COL26A1: variants seen among roughly 807,000 people sequenced by gnomAD.
COL26A1 encodes the protein collagen alpha-1(XXVI) chain.
A neutral mutation model predicts 59.3 loss-of-function variants in COL26A1; 41 were observed. The ratio of observed to expected loss-of-function variants is 0.69; its 90% CI spans 0.54 to 0.90. The LOEUF (loss-of-function observed/expected upper bound fraction) is 0.90. Among genes scored for constraint, COL26A1 ranks in the 40% least tolerant of loss-of-function variants. The probability of loss-of-function intolerance (pLI) is 0.00; values close to 1 mark genes in which losing one functional copy is unlikely to be tolerated. For missense variants in COL26A1, 612 were observed against 602.3 expected, an observed-to-expected ratio of 1.02 and a Z score of -0.17; for synonymous variants, 266 against 256.0, an observed-to-expected ratio of 1.04 and a Z score of -0.37.
At chr7:101,412,327 C>A (rs549027907) in intron 1 of COL26A1, among the ~76,000 whole-genome samples, 1 of 152,228 alleles carries the variant, frequency 6.6e-6, no homozygotes, top group African/African-American at 2.4e-5. Context: ...GAAGTTTACG[C>A]ATAAACCACC....
At chr7:101,368,221 T>C (rs1041963173) in intron 1 of COL26A1, among the ~76,000 whole-genome samples, 3 of 152,234 alleles carry the variant, frequency 2.0e-5, no homozygotes, top group Non-Finnish European at 4.4e-5. Flanking sequence ...TGTTTTTCCA[T>C]TGGAAATCAC....
In COL26A1 at chr7:101,544,041, C is replaced by T. The variant is rs149289538; in HGVS notation, c.648C>T (p.Pro216=). The T allele has an allele frequency of 1.6e-5, 26 of 1,600,864 alleles. No homozygotes were observed. The highest frequency in any genetic ancestry group is 2.7e-5 in the African/African-American group (2 of 74,708). ...QTGPPGPAGP[P]GSKGDRGQTG... ...GACCACCAGGGCCTGCAGGCCCCCC[C>T]GGGTCTAAAGGTGACCGAGGCCAGA... is the stretch of plus-strand genomic sequence containing the variant. Residue 216 remains proline, a synonymous_variant, in exon 6 of 13, where the codon CCC becomes CCT. Transcript: ENST00000313669.
chr7:101,435,589 G>C (rs1344156679), intron 2 of COL26A1, among the ~76,000 whole-genome samples: 1 of 152,164 alleles, frequency 6.6e-6, no homozygotes, highest in Non-Finnish European at 1.5e-5. Flanking sequence ...ATTGCAGTGG[G>C]GACGTTGGGC....
chr7:101,378,336 C>T (rs913990945), intron 1 of COL26A1, among the ~76,000 whole-genome samples: 11 of 152,020 alleles, frequency 7.2e-5, no homozygotes, highest in Admixed American at 5.3e-4. Context: ...TTACTCAAAC[C>T]GCCCTCACAC....
intron 2 of COL26A1, among the ~76,000 whole-genome samples, chr7:101,429,588 A>ATTTTTT (rs1792729327): frequency 8.0e-5 from 4 of 49,878 alleles, no homozygotes; most frequent in African/African-American, 1.9e-4. Flanking sequence ...TTTCTTTTTT[A>ATTTTTT]CTTTTTTTTT....
intron 1 of COL26A1, among the ~76,000 whole-genome samples, chr7:101,413,552 A>G (rs13245644): frequency 2.7e-5 from 3 of 111,104 alleles, no homozygotes; most frequent in South Asian, 3.2e-4. Flanking sequence ...GAAAGGAAAG[A>G]AAAAGAAAAG....
intron 3 of COL26A1, among the ~76,000 whole-genome samples, chr7:101,487,756 C>T (rs1011843152): frequency 6.6e-6 from 1 of 152,144 alleles, no homozygotes; most frequent in Non-Finnish European, 1.5e-5. Flanking sequence ...AAGCCCACGC[C>T]CTGTCACTGG....
rs200117030 is a variant in COL26A1, at chr7:101,492,699, AAAATAAAT to A, written c.386-40340_386-40333del. On this transcript the variant is annotated intron_variant, in intron 3 of 12. Transcript: ENST00000313669. ...GCAACAGAGCAAGACTCTGTCTCAA[AAAATAAAT>A]AAATAAATAAATAAATAAATAAATA... 8.4e-3 allele frequency among the ~76,000 whole-genome samples: 1,182 copies of A among 141,224 alleles called. 8 individuals carry two copies. Among genetic ancestry groups the A allele is most frequent in the African/African-American group, 0.017 (664 of 38,488 alleles). The allele number at this position is 141,224 out of a possible 152,430, so 92.6% of individuals were successfully genotyped here.
intron 11 of COL26A1, among the ~76,000 whole-genome samples, chr7:101,553,843 G>A (rs1330546231): frequency 6.6e-6 from 1 of 152,084 alleles, no homozygotes; most frequent in Non-Finnish European, 1.5e-5. Context: ...AGAGGGACTT[G>A]CAAACTGGGA....
intron 3 of COL26A1, among the ~76,000 whole-genome samples, chr7:101,514,574 G>A (rs1794990064): frequency 6.6e-6 from 1 of 152,142 alleles, no homozygotes; most frequent in African/African-American, 2.4e-5. Flanking sequence ...GGGACAGTGA[G>A]CTATGGCTAG....
At chr7:101,543,061 C>T (rs2130661083) in intron 5 of COL26A1, among the ~76,000 whole-genome samples, 1 of 152,356 alleles carries the variant, frequency 6.6e-6, no homozygotes, top group East Asian at 1.9e-4. Context: ...AGGTGGGGCT[C>T]TTCCGAGGCC....
At chr7:101,455,168 A>G (rs34183995) in intron 3 of COL26A1, among the ~76,000 whole-genome samples, 60,515 of 150,402 alleles carry the variant, frequency 0.4, 12,877 homozygotes, top group Middle Eastern at 0.48. Flanking sequence ...TCAGCCTCCC[A>G]AGTAGCTGGG....
chr7:101,411,459 C>T (rs1279149589), intron 1 of COL26A1, among the ~76,000 whole-genome samples: 1 of 151,956 alleles, frequency 6.6e-6, no homozygotes, highest in African/African-American at 2.4e-5. Flanking sequence ...TCAGGACCAC[C>T]ATGGGAGGGG....
chr7:101,387,161 T>C (rs1211035996), intron 1 of COL26A1, among the ~76,000 whole-genome samples: 1 of 152,078 alleles, frequency 6.6e-6, no homozygotes, highest in African/African-American at 2.4e-5. Context: ...GGATGCAAGC[T>C]GACACTCCCA....
chr7:101,530,620 G>C (rs1290019554), intron 3 of COL26A1, among the ~76,000 whole-genome samples: 1 of 149,462 alleles, frequency 6.7e-6, no homozygotes, highest in Non-Finnish European at 1.5e-5. Flanking sequence ...CTGGACGCCA[G>C]GGCCTTGTTG....
At chr7:101,369,022 C>T (rs943867286) in intron 1 of COL26A1, among the ~76,000 whole-genome samples, 3 of 151,994 alleles carry the variant, frequency 2.0e-5, no homozygotes, top group African/African-American at 4.8e-5. Context: ...CTGTATCCTC[C>T]TCCTTTTCTT....
At chr7:101,485,291 C>G (rs1263157836) in intron 3 of COL26A1, among the ~76,000 whole-genome samples, 1 of 152,234 alleles carries the variant, frequency 6.6e-6, no homozygotes, top group Non-Finnish European at 1.5e-5. Flanking sequence ...TGCCTGAGCC[C>G]TGGGAGCAGT....
chr7:101,370,640 G>A (rs1375882464), intron 1 of COL26A1, among the ~76,000 whole-genome samples: 1 of 152,086 alleles, frequency 6.6e-6, no homozygotes, highest in Non-Finnish European at 1.5e-5. Context: ...CCAAAGTGCT[G>A]GGATTACAGG....
intron 1 of COL26A1, among the ~76,000 whole-genome samples, chr7:101,369,111 C>T (rs1791122842): frequency 6.6e-6 from 1 of 152,006 alleles, no homozygotes; most frequent in East Asian, 2.0e-4. Flanking sequence ...ATGGCTCTAT[C>T]AAAAAGCAAA....
Sources: allele counts gnomAD v4.1 joint callset (sites outside exome capture counted in the v4.1 genomes callset), GRCh38; gene constraint gnomAD v4.1.1; transcripts MANE v1.5; gene names NCBI Gene and HGNC (gene_info 2026-07-23, HGNC 2026-07-21).